Variants in ERC2 observed in about 807,000 individuals in gnomAD.
ERC2 encodes ELKS/RAB6-interacting/CAST family member 2.
A neutral mutation model predicts 114.8 loss-of-function variants in ERC2; 42 were observed. That is an observed-to-expected ratio of 0.37 (90% CI 0.29 to 0.47). ERC2 has a LOEUF of 0.47. Among genes scored for constraint, ERC2 ranks in the 20% least tolerant of loss-of-function variants. The pLI is 0.99. For synonymous variants in ERC2, 454 were observed against 425.5 expected (o/e 1.07, Z -0.82); for missense variants, 939 against 1,150.7 (o/e 0.82, Z 2.66).
chr3:55,566,468 G>T (rs1205356811), intron 17 of ERC2, among the ~76,000 whole-genome samples: 4 of 149,088 alleles, frequency 2.7e-5, no homozygotes, highest in Admixed American at 6.7e-5. Flanking sequence ...TGTTGCCCAG[G>T]TTGAACAGGT....
At chr3:55,590,791 G>A (rs1047889584) in intron 17 of ERC2, among the ~76,000 whole-genome samples, 3 of 152,196 alleles carry the variant, frequency 2.0e-5, no homozygotes, top group Non-Finnish European at 4.4e-5. Flanking sequence ...TGCCAAGACA[G>A]GTTGTGGAGG....
chr3:56,395,106 G>C (rs1311628459), intron 2 of ERC2, among the ~76,000 whole-genome samples: 1 of 151,952 alleles, frequency 6.6e-6, no homozygotes, highest in African/African-American at 2.4e-5. Context: ...AATTAAATAG[G>C]AGTGATTGCC....
chr3:55,921,207 C>T (rs1001706836), intron 13 of ERC2, among the ~76,000 whole-genome samples: 1 of 152,030 alleles, frequency 6.6e-6, no homozygotes, highest in African/African-American at 2.4e-5. Context: ...AATTACCCAC[C>T]AACATGAATT....
At chr3:56,190,772 T>C (rs1209452377) in intron 3 of ERC2, among the ~76,000 whole-genome samples, 2 of 151,894 alleles carry the variant, frequency 1.3e-5, no homozygotes. Flanking sequence ...TGGGGTCTCA[T>C]CTTGTTGCCT....
intron 13 of ERC2, among the ~76,000 whole-genome samples, chr3:55,905,895 G>A (rs1265168906): frequency 6.6e-6 from 1 of 152,120 alleles, no homozygotes; most frequent in Non-Finnish European, 1.5e-5. Context: ...TCAGATAAAG[G>A]AGCTGCCTGC....
At chr3:56,460,241 G>A (rs1019681470) in intron 1 of ERC2, among the ~76,000 whole-genome samples, 1 of 152,220 alleles carries the variant, frequency 6.6e-6, no homozygotes, top group Non-Finnish European at 1.5e-5. Flanking sequence ...CAATGGTTAA[G>A]GCTTGTTGGT....
intron 6 of ERC2, among the ~76,000 whole-genome samples, chr3:56,086,147 G>C (rs1486498852): frequency 6.6e-6 from 1 of 152,084 alleles, no homozygotes; most frequent in Non-Finnish European, 1.5e-5. Flanking sequence ...ATGTAATCTA[G>C]ACTTTAAGGC....
chr3:56,198,147 T>C (rs530531857), intron 3 of ERC2, among the ~76,000 whole-genome samples: 62 of 152,202 alleles, frequency 4.1e-4, no homozygotes, highest in Non-Finnish European at 6.6e-4. Context: ...TCTGGACACA[T>C]AACACTGGCA....
chr3:56,163,304 G>T lies in ERC2; in HGVS notation c.1149+10142C>A, dbSNP rs188327482. Among the ~76,000 whole-genome samples, 84 of 152,204 alleles carry T rather than the reference G, an allele frequency of 5.5e-4. 1 individual carries two copies. Among genetic ancestry groups the T allele is most frequent in the Non-Finnish European group, 2.9e-5 (2 of 67,964 alleles). ...GGCCGAGCATGTGGTTGATCTTGGA[G>T]TATGTTCCACGTGCAGGTGGGAAGA... On this transcript the variant is annotated intron_variant, in intron 4 of 17. Coordinates refer to ENST00000288221, the MANE Select transcript of ERC2 (RefSeq NM_015576.3).
chr3:55,862,802 C>T (rs2062088569), intron 14 of ERC2, among the ~76,000 whole-genome samples: 1 of 152,210 alleles, frequency 6.6e-6, no homozygotes. Context: ...AGCAGGATCA[C>T]ACAACACAAT....
chr3:55,548,429 C>T (rs1318977924), intron 17 of ERC2, among the ~76,000 whole-genome samples: 1 of 152,194 alleles, frequency 6.6e-6, no homozygotes, highest in Non-Finnish European at 1.5e-5. Flanking sequence ...GCAAATGAGA[C>T]ATGGCCTTTT....
chr3:56,228,950 G>T (rs980439885), intron 3 of ERC2, among the ~76,000 whole-genome samples: 2 of 152,076 alleles, frequency 1.3e-5, no homozygotes, highest in African/African-American at 4.8e-5. Flanking sequence ...TTTTGTTAAT[G>T]CTTTGGTTAT....
chr3:56,108,499 T>C lies in ERC2; in HGVS notation c.1474-27515A>G. 2.0e-5 allele frequency among the ~76,000 whole-genome samples: 3 copies of C among 152,200 alleles called. No homozygotes were observed. The Middle Eastern group carries it at 0.01, about 518-fold the overall frequency. Reference sequence around the variant, plus strand: ...AAATAATGATCTGAATACAAATATATATACACATATCTATTTCTTATACAT... The same window carrying C: ...AAATAATGATCTGAATACAAATATACATACACATATCTATTTCTTATACAT... On this transcript the variant is annotated intron_variant, in intron 6 of 17. Coordinates refer to ENST00000288221, the MANE Select transcript of ERC2 (RefSeq NM_015576.3).
chr3:55,701,469 TGCC>T (rs1012917436), intron 15 of ERC2, among the ~76,000 whole-genome samples: 18 of 152,322 alleles, frequency 1.2e-4, no homozygotes, highest in African/African-American at 4.1e-4. Flanking sequence ...CAATTCTATC[TGCC>T]AGAGGATGTC....
chr3:56,090,800 C>T (rs1328912815), intron 6 of ERC2, among the ~76,000 whole-genome samples: 1 of 16,782 alleles, frequency 6.0e-5, no homozygotes, highest in Non-Finnish European at 2.7e-4. Flanking sequence ...CCTACCCTTC[C>T]TCTTTTTTTT....
intron 1 of ERC2, among the ~76,000 whole-genome samples, chr3:56,438,523 C>T (rs1224782437): frequency 2.6e-5 from 4 of 152,174 alleles, no homozygotes; most frequent in Non-Finnish European, 5.9e-5. Flanking sequence ...GACTGAACCT[C>T]TGGTGTTTTG....
chr3:56,120,106 T>C (rs1189188291), intron 6 of ERC2, among the ~76,000 whole-genome samples: 2 of 152,080 alleles, frequency 1.3e-5, no homozygotes, highest in Non-Finnish European at 2.9e-5. Flanking sequence ...GCAAAATAAT[T>C]TCTTAAATTA....
chr3:55,758,420 A>C (rs1181014172), intron 14 of ERC2, among the ~76,000 whole-genome samples: 1 of 152,202 alleles, frequency 6.6e-6, no homozygotes, highest in Admixed American at 6.5e-5. Flanking sequence ...ACGCTTTTCC[A>C]GAAGTTCATC....
chr3:56,332,757 C>T (rs2057682051), intron 2 of ERC2, among the ~76,000 whole-genome samples: 1 of 152,178 alleles, frequency 6.6e-6, no homozygotes, highest in South Asian at 2.1e-4. Context: ...ACTTCAGGGT[C>T]CTTCTAATCA....
Sources: allele counts gnomAD v4.1 joint callset (sites outside exome capture counted in the v4.1 genomes callset), GRCh38; gene constraint gnomAD v4.1.1; transcripts MANE v1.5; gene names NCBI Gene and HGNC (gene_info 2026-07-23, HGNC 2026-07-21).